SRPK3: variants seen among roughly 807,000 people sequenced by gnomAD.
SRPK3 encodes the protein SRSF protein kinase 3, also known as SFRS protein kinase 3.
In SRPK3, 26 loss-of-function variants were observed where a neutral mutation model predicts 45.3. The observed-to-expected ratio is 0.57, with a 90% CI of 0.42 to 0.80. The LOEUF is 0.80. Ranked by LOEUF, SRPK3 falls within the 30% of genes least tolerant of loss-of-function variation. SRPK3 has a pLI of 0.00. For missense variants in SRPK3, 536 were observed against 514.5 expected, an observed-to-expected ratio of 1.04 and a Z score of -0.40; for synonymous variants, 254 against 226.6, an observed-to-expected ratio of 1.12 and a Z score of -1.09.
At chrX:153,782,666 C>A in intron 5 of SRPK3, 106 bp from the exon 6 acceptor site, 5 of 771,768 alleles carry the variant, frequency 6.5e-6, no homozygotes, top group Non-Finnish European at 9.2e-6. Context: ...GGAGGCCCTG[C>A]CTCCCCACCT....
chrX:153,781,188 T>G, intron 1 of SRPK3, 28 bp from the exon 2 acceptor site: 1 of 1,199,170 alleles, frequency 8.3e-7, no homozygotes, highest in Non-Finnish European at 1.1e-6. Context: ...GCGTCTCTCA[T>G]GCCCACTGCC....
At chrX:153,783,718 G>A (rs373298772) in intron 8 of SRPK3, 34 bp from the exon 9 acceptor site, 276 of 1,206,550 alleles carry the variant, frequency 2.3e-4, no homozygotes, top group Middle Eastern at 5.6e-4. Context: ...TGGGGCGGGC[G>A]ACAGGAACCC....
At chrX:153,782,053 A>T in intron 4 of SRPK3, 68 bp from the exon 5 acceptor site, 2 of 1,028,324 alleles carry the variant, frequency 1.9e-6, no homozygotes, top group Non-Finnish European at 2.7e-6. Context: ...GGAGAAGGGT[A>T]CACTGAAGGG....
intron 5 of SRPK3, 48 bp from the exon 6 acceptor site, chrX:153,782,724 C>G: frequency 8.8e-7 from 1 of 1,134,201 alleles, no homozygotes; most frequent in East Asian, 3.1e-5. Context: ...GTGGGTGGGG[C>G]CTGTGCCGCA....
chrX:153,784,539 T>C, intron 11 of SRPK3, 145 bp downstream of exon 11: 10 of 758,223 alleles, frequency 1.3e-5, no homozygotes, highest in Non-Finnish European at 1.7e-5. Flanking sequence ...TCAACAGCAC[T>C]GGGGCCATGG....
In SRPK3 at chrX:153,785,467, G is replaced by A. The variant is rs781977883; in HGVS notation, c.1651G>A (p.Glu551Lys). Residue 551 changes from glutamate to lysine, a missense_variant, in exon 15 of 15, where the codon GAA becomes AAA. Transcript: ENST00000370101. ...GCTGCCCATGATGGAGTACATCCCC[G>A]AAAAGCGGGCCAGTGCCGCTGACTG... ...FLLPMMEYIPEKRASAADCLQ... is the reference protein window; with the variant it reads ...FLLPMMEYIPKKRASAADCLQ... 3.3e-5 allele frequency: 40 copies of A among 1,209,651 alleles called. No homozygotes were observed. The highest frequency in any genetic ancestry group is 1.8e-4 in the East Asian group (6 of 33,767).
chrX:153,783,449 G>A (rs1557067710), intron 8 of SRPK3, among the ~76,000 whole-genome samples, 198 bp downstream of exon 8: 1 of 112,864 alleles, frequency 8.9e-6, no homozygotes, highest in African/African-American at 3.2e-5. Flanking sequence ...AAAGGATGCT[G>A]TCTTCCCCGA....
chrX:153,783,613 C>T (rs1302484422), intron 8 of SRPK3, 139 bp from the exon 9 acceptor site: 7 of 1,009,938 alleles, frequency 6.9e-6, no homozygotes, highest in South Asian at 2.4e-5. Context: ...TGCCAAGGGG[C>T]GCTGGCGCCA....
Position 153,785,119 on chromosome X carries a change from C to T in SRPK3, c.1465C>T (p.Pro489Ser). 1 of 1,211,168 alleles carries T rather than the reference C, an allele frequency of 8.3e-7. No homozygotes were observed. The highest frequency in any genetic ancestry group is 1.1e-6 in the Non-Finnish European group (1 of 895,384). Residue 489 changes from proline (P) to serine (S), a missense_variant, in exon 14 of 15, where the codon CCC (proline) becomes TCC (serine). Physicochemically the swap from Pro to Ser is moderately conservative, Grantham distance 74 (BLOSUM62 -1). Transcript: ENST00000370101. ...AHIVELLGDI[P>S]PAFALSGRYS... ...CATAGTGGAGCTTCTGGGGGACATC[C>T]CCCCAGCCTTCGCCCTCTCAGGCCG...
chrX:153,784,620 C>G (rs1001805336), intron 11 of SRPK3, 130 bp from the exon 12 acceptor site: 2 of 841,117 alleles, frequency 2.4e-6, no homozygotes, highest in African/African-American at 2.0e-5. Context: ...TCTTGGAGGA[C>G]CTGGGGACCC....
chrX:153,783,193 T>TCCCCCCCCCCCCCCCCCCCCCCCCCCC, intron 7 of SRPK3, 33 bp from the exon 8 acceptor site: 1 of 439,171 alleles, frequency 2.3e-6, no homozygotes, highest in African/African-American at 5.0e-5. Context: ...TTCCTCCCTG[T>TCCCCCCCCCCCCCCCCCCCCCCCCCCC]CCCCCCCCAC....
rs375444506 is a variant in SRPK3, at chrX:153,783,993, C to T, written c.927C>T (p.Asp309=). Residue 309 remains aspartate (D), a synonymous_variant, in exon 10 of 15, where the codon GAC becomes GAT. Transcript: ENST00000370101. ...CCCCAGACTCTGGCTTGAGACTAGA[C>T]GGGGGCAGCGGCTCCACATCCTCTT... The part of the protein sequence containing the change: ...TQAEDSGLRL[D]GGSGSTSSSG... 3.1e-5 allele frequency: 37 copies of T among 1,198,178 alleles called. No individual in the cohort carries two copies. The highest frequency in any genetic ancestry group is 8.8e-5 in the African/African-American group (5 of 56,985).
rs782519704 is a variant in SRPK3 at position 153,782,129 on chromosome X, C to T, written c.396C>T (p.Asp132=). 5.7e-5 allele frequency: 69 copies of T among 1,209,626 alleles called. 1 individual carries two copies. In the South Asian group the frequency reaches 1.2e-3, roughly 21 times the overall value. The change falls in exon 5 of 15, where the codon GAC becomes GAT. Residue 132 remains aspartate, a synonymous_variant. Coordinates refer to ENST00000370101, the MANE Select transcript of SRPK3 (RefSeq NM_014370.4). ...CTTGGCTTTTGCTCCAGGTCCGGGA[C>T]AGCGACCCCAGTGACCCCAAAAGAG... ...DEIKLLKCVR[D]SDPSDPKRET...
rs2092056881 is a variant in SRPK3, at chrX:153,782,292, G to A, written c.475+84G>A. On this transcript the variant is annotated intron_variant, in intron 5 of 14. Transcript: ENST00000370101. Reference sequence around the variant, plus strand: ...CCCTCGCTGCTAGAGCCTGTCTGCAGACCCGCACAATGGGCTTGCATCCCT... The same window carrying A: ...CCCTCGCTGCTAGAGCCTGTCTGCAAACCCGCACAATGGGCTTGCATCCCT... 3 of 829,359 alleles carry A rather than the reference G, an allele frequency of 3.6e-6. No individual in the cohort carries two copies. In the African/African-American group the frequency reaches 6.0e-5, roughly 16 times the overall value. The allele number at this position is 829,359 out of a possible 1,213,427, so 68.3% of individuals were successfully genotyped here. A position where few individuals can be genotyped will look rare whatever the true frequency, so the allele number is the denominator to read the frequency against.
Position 153,783,902 on chromosome X carries a change from G to T in SRPK3, c.907+18G>T. On this transcript the variant is annotated intron_variant, in intron 9 of 14. Coordinates refer to ENST00000370101, the MANE Select transcript of SRPK3 (RefSeq NM_014370.4). ...GGCTGAGGGTGAGGGGCCACAGAGG[G>T]TGATGGGCCGTGGAGCGCAGCAAAG... 1 of 1,188,294 alleles carries T rather than the reference G, an allele frequency of 8.4e-7. No individual in the cohort carries two copies. The highest frequency in any genetic ancestry group is 1.8e-5 in the South Asian group (1 of 54,474).
rs1238168416 is a variant in SRPK3 at position 153,783,858 on chromosome X, C to T, written c.881C>T (p.Ala294Val). 4 of 1,192,647 alleles carry T rather than the reference C, an allele frequency of 3.4e-6. No homozygotes were observed. The highest frequency in any genetic ancestry group is 4.5e-6 in the Non-Finnish European group (4 of 886,907). The change falls in exon 9 of 15, where the codon GCC becomes GTC. Residue 294 changes from alanine (A) to valine (V), a missense_variant. Transcript: ENST00000370101. ...CTGCGGGACCTGCAGAGGCTGGAGGCCATGGAGGCTGCCACCCAGGCTGAG... is the reference window on the plus strand; with the variant it reads ...CTGCGGGACCTGCAGAGGCTGGAGGTCATGGAGGCTGCCACCCAGGCTGAG... ...ERLRDLQRLE[A>V]MEAATQAEDS...
At chrX:153,781,184 C>G in intron 1 of SRPK3, 32 bp from the exon 2 acceptor site, 15 of 1,196,899 alleles carry the variant, frequency 1.3e-5, no homozygotes, top group Non-Finnish European at 1.7e-5. Context: ...CCTGGCGTCT[C>G]TCATGCCCAC....
Position 153,785,562 on chromosome X carries a change from G to A in SRPK3, c.*42G>A, listed in dbSNP as rs1243529099. 5.9e-6 allele frequency: 7 copies of A among 1,178,222 alleles called. No individual in the cohort carries two copies. Among genetic ancestry groups the A allele is most frequent in the South Asian group, 1.9e-5 (1 of 53,567 alleles). On this transcript the variant is annotated 3_prime_UTR_variant, in exon 15 of 15. Transcript: ENST00000370101. Reference sequence around the variant, plus strand: ...ACCTCCAGCTCTCCGTGCCTTAAGGGAAAAGCGGGACAGCTCCCACCACCC... The same window carrying A: ...ACCTCCAGCTCTCCGTGCCTTAAGGAAAAAGCGGGACAGCTCCCACCACCC...
At position 153,784,502 on chromosome X, in the gene SRPK3, G is replaced by A. The variant is rs1012057205; in HGVS notation, c.1248+108G>A. On this transcript the variant is annotated intron_variant, in intron 11 of 14. Coordinates refer to ENST00000370101, the MANE Select transcript of SRPK3 (RefSeq NM_014370.4). Reference sequence around the variant, plus strand: ...CAGTCTGCAGTGCACGTGAACCGTCGGCTGGGTGGGCACTGGTCCTGCCCA... The same window carrying A: ...CAGTCTGCAGTGCACGTGAACCGTCAGCTGGGTGGGCACTGGTCCTGCCCA... 44 of 915,651 alleles carry A rather than the reference G, an allele frequency of 4.8e-5. No homozygotes were observed. The African/African-American group carries it at 5.5e-4, about 11-fold the overall frequency. 75.5% of individuals were successfully genotyped at this position (915,651 alleles called of 1,213,427 possible). A position where few individuals can be genotyped will look rare whatever the true frequency, so the allele number is the denominator to read the frequency against.
Sources: allele counts gnomAD v4.1 joint callset (sites outside exome capture counted in the v4.1 genomes callset), GRCh38; gene constraint gnomAD v4.1.1; transcripts MANE v1.5; gene names NCBI Gene and HGNC (gene_info 2026-07-23, HGNC 2026-07-21).